The following PHACTR2 variants were observed in gnomAD, a reference collection of about 807,000 sequenced individuals.
The protein encoded by PHACTR2 is chromosome 6 open reading frame 56.
A neutral mutation model predicts 76.0 loss-of-function variants in PHACTR2; 30 were observed. The observed-to-expected ratio is 0.39, with a 90% confidence interval of 0.30 to 0.54. The LOEUF (loss-of-function observed/expected upper bound fraction) is 0.54, where lower values mean the gene tolerates loss of function less well. PHACTR2 is among the 20% of genes least tolerant of loss of function. PHACTR2 has a pLI of 0.61. For synonymous variants in PHACTR2, 292 were observed against 292.5 expected (o/e 1.00, Z 0.02); for missense variants, 696 against 781.1 (o/e 0.89, Z 1.30).
Position 143,670,067 on chromosome 6 carries a change from G to C in PHACTR2, c.14-41949G>C, listed in dbSNP as rs578224100. ...CTGGTAGTGATATTTCTCAGCATTT[G>C]CTTGTCTGTAAAGGATTTTATTTCT... On this transcript the variant is annotated intron_variant, in intron 1 of 11. Transcript: ENST00000305766. 7.8e-4 allele frequency among the ~76,000 whole-genome samples: 119 copies of C among 152,232 alleles called. 1 individual carries two copies. The highest frequency in any genetic ancestry group is 2.7e-3 in the African/African-American group (113 of 41,532).
Position 143,537,160 on chromosome 6 carries a change from C to G in PHACTR2, c.170C>G (p.Ser57Trp), listed in dbSNP as rs918398069. The stretch of plus-strand genomic sequence containing the variant: ...GGCCGCTCACAGAGCGACCTCTCGT[C>G]GTCCTCGAGCAGGGGCCGCCCGCTC... Residue 57 changes from serine to tryptophan, a missense_variant, in exon 1 of 12, where the codon TCG (serine) becomes TGG (tryptophan). Physicochemically the swap from Ser to Trp is radical, Grantham distance 177. Transcript: ENST00000367584. The surrounding 1 kb of genome is among the most constrained non-coding windows in gnomAD (Gnocchi z 4.4). The G allele has an allele frequency of 3.1e-6, 1 of 326,282 alleles. No individual in the cohort carries two copies. Among genetic ancestry groups the G allele is most frequent in the African/African-American group, 2.2e-5 (1 of 44,766 alleles). The allele number at this position is 326,282 out of a possible 1,614,324, so 20.2% of individuals were successfully genotyped here.
chr6:143,698,489 A>G lies in PHACTR2; in HGVS notation c.47-13527A>G, dbSNP rs1303853907. Among the ~76,000 whole-genome samples the G allele has an allele frequency of 6.6e-6, 1 of 152,160 alleles. No individual in the cohort carries two copies. Among genetic ancestry groups the G allele is most frequent in the Non-Finnish European group, 1.5e-5 (1 of 68,032 alleles). On this transcript the variant is annotated intron_variant, in intron 1 of 12. Coordinates refer to ENST00000440869, the MANE Select transcript of PHACTR2 (RefSeq NM_001100164.2). The surrounding 1 kb of genome is among the most constrained non-coding windows in gnomAD (Gnocchi z 4.3). ...TGGTTTCCTGTTTAATTTGCATAGG[A>G]TATTTCTACCTTTTAGGCAATGCTA... is the stretch of plus-strand genomic sequence containing the variant.
In PHACTR2 at chr6:143,738,755, C is replaced by CAAA. The variant is rs201169525; in HGVS notation, c.215-10222_215-10220dup. ...TGGGTGATAGAGCAGGACCTTGTCTCAAAAAAAAAAGAAAGAAAGAAAGAA... is the reference window on the plus strand; with the variant it reads ...TGGGTGATAGAGCAGGACCTTGTCTCAAAAAAAAAAAAAGAAAGAAAGAAAGAA... On this transcript the variant is annotated intron_variant, in intron 2 of 12. Transcript: ENST00000440869. The surrounding 1 kb of genome is among the most constrained non-coding windows in gnomAD (Gnocchi z 4.0). 8.6e-5 allele frequency among the ~76,000 whole-genome samples: 12 copies of CAAA among 139,764 alleles called. No individual in the cohort carries two copies. The South Asian group carries it at 2.7e-3, about 32-fold the overall frequency. The allele number at this position is 139,764 out of a possible 152,430, so 91.7% of individuals were successfully genotyped here. A position where few individuals can be genotyped will look rare whatever the true frequency, so the allele number is the denominator to read the frequency against.
intron 1 of PHACTR2, among the ~76,000 whole-genome samples, chr6:143,632,852 A>G (rs1158219644): frequency 6.6e-6 from 1 of 152,166 alleles, no homozygotes; most frequent in Non-Finnish European, 1.5e-5. Flanking sequence ...AGTTGGAATC[A>G]TATGGTATAT....
In PHACTR2 at chr6:143,734,691, G is replaced by A. The variant is rs528462730; in HGVS notation, c.215-14294G>A. ...TTGCTAAGGGGGATGTGGAGAAAAGGAGCACTGTTCCCACCCACATCTTAA... is the reference window on the plus strand; with the variant it reads ...TTGCTAAGGGGGATGTGGAGAAAAGAAGCACTGTTCCCACCCACATCTTAA... On this transcript the variant is annotated intron_variant, in intron 2 of 12. Coordinates refer to ENST00000440869, the MANE Select transcript of PHACTR2 (RefSeq NM_001100164.2). Among the ~76,000 whole-genome samples, 3 of 152,256 alleles carry A rather than the reference G, an allele frequency of 2.0e-5. No homozygotes were observed. The East Asian group carries it at 5.8e-4, about 29-fold the overall frequency.
chr6:143,612,605 A>T (rs1775995437), intron 1 of PHACTR2, among the ~76,000 whole-genome samples: 1 of 52,464 alleles, frequency 1.9e-5, no homozygotes, highest in African/African-American at 7.4e-5. Flanking sequence ...TATTAATGTT[A>T]TATATACACA....
At position 143,554,603 on chromosome 6, in the gene PHACTR2, G is replaced by A. The variant is rs1423518667; in HGVS notation, c.217+17396G>A. On this transcript the variant is annotated intron_variant, in intron 1 of 11. Transcript: ENST00000367584. This position sits in a 1 kb window ranked among gnomAD's most constrained non-coding sequence, Gnocchi z 5.9. ...GCCCTCACCTGAGGAAAGGTGAAGG[G>A]CTAAGGAACTCGATTGAGGGTGGGA... 2.0e-5 allele frequency: 3 copies of A among 152,132 alleles called. No homozygotes were observed. Among genetic ancestry groups the A allele is most frequent in the Non-Finnish European group, 4.4e-5 (3 of 68,014 alleles). The allele number at this position is 152,132 out of a possible 1,614,324, so 9.4% of individuals were successfully genotyped here.
chr6:143,775,430 T>C lies in PHACTR2; in HGVS notation c.1589+1215T>C, dbSNP rs1775249741. On this transcript the variant is annotated intron_variant, in intron 8 of 12. Coordinates refer to ENST00000440869, the MANE Select transcript of PHACTR2 (RefSeq NM_001100164.2). This position sits in a 1 kb window ranked among gnomAD's most constrained non-coding sequence, Gnocchi z 4.4. ...AAGCAAGAGGGACTAACGTGATTAA[T>C]GGTATCGAGCTGGAAAAACCTACAG... is the stretch of plus-strand genomic sequence containing the variant. Among the ~76,000 whole-genome samples, 1 of 152,144 alleles carries C rather than the reference T, an allele frequency of 6.6e-6. No homozygotes were observed. The highest frequency in any genetic ancestry group is 2.1e-4 in the South Asian group (1 of 4,828).
At chr6:143,620,855 G>T (rs571825281) in intron 1 of PHACTR2, among the ~76,000 whole-genome samples, 177 of 152,330 alleles carry the variant, frequency 1.2e-3, no homozygotes, top group Admixed American at 0.011. Flanking sequence ...CTCAAAGGCT[G>T]TCTCACTGGA....
chr6:143,718,466 G>C (rs939431915), intron 2 of PHACTR2, among the ~76,000 whole-genome samples: 1 of 152,218 alleles, frequency 6.6e-6, no homozygotes, highest in African/African-American at 2.4e-5. Context: ...CCATTCACTA[G>C]TTGCATCTCT....
At chr6:143,569,702 C>A (rs1046347354) in intron 1 of PHACTR2, among the ~76,000 whole-genome samples, 4 of 152,030 alleles carry the variant, frequency 2.6e-5, no homozygotes, top group African/African-American at 7.2e-5. Context: ...ATGTATAATT[C>A]TTTTCCACTT....
rs1776107426 is a variant in PHACTR2 at position 143,619,022 on chromosome 6, T to C, written c.13+10700T>C. 6.6e-6 allele frequency among the ~76,000 whole-genome samples: 1 copy of C among 152,190 alleles called. No homozygotes were observed. The highest frequency in any genetic ancestry group is 1.5e-5 in the Non-Finnish European group (1 of 68,034). On this transcript the variant is annotated intron_variant, in intron 1 of 11. Transcript: ENST00000305766. The surrounding 1 kb of genome is among the most constrained non-coding windows in gnomAD (Gnocchi z 4.5). The stretch of plus-strand genomic sequence containing the variant: ...AGCTGTGTCTTTTATTGTGTGCTAC[T>C]ACTTATATAGAAACTCTGAATTAAT...
At chr6:143,728,035 A>G (rs1175611044) in intron 2 of PHACTR2, among the ~76,000 whole-genome samples, 1 of 78,202 alleles carries the variant, frequency 1.3e-5, no homozygotes, top group African/African-American at 6.6e-5. Flanking sequence ...GGAAAAGAGA[A>G]AGACAAACTG....
At chr6:143,693,383 A>G (rs1046678301) in intron 1 of PHACTR2, among the ~76,000 whole-genome samples, 3 of 151,982 alleles carry the variant, frequency 2.0e-5, no homozygotes, top group African/African-American at 4.8e-5. Context: ...GACTACAGGC[A>G]CGCACCACCA....
rs563593579 is a variant in PHACTR2, at chr6:143,738,761, A to G, written c.215-10224A>G. On this transcript the variant is annotated intron_variant, in intron 2 of 12. Coordinates refer to ENST00000440869, the MANE Select transcript of PHACTR2 (RefSeq NM_001100164.2). The surrounding 1 kb of genome is among the most constrained non-coding windows in gnomAD (Gnocchi z 4.0). ...ATAGAGCAGGACCTTGTCTCAAAAAAAAAAGAAAGAAAGAAAGAAAGAAAA... is the reference window on the plus strand; with the variant it reads ...ATAGAGCAGGACCTTGTCTCAAAAAGAAAAGAAAGAAAGAAAGAAAGAAAA... Among the ~76,000 whole-genome samples, 1 of 152,252 alleles carries G rather than the reference A, an allele frequency of 6.6e-6. No individual in the cohort carries two copies. Among genetic ancestry groups the G allele is most frequent in the South Asian group, 2.1e-4 (1 of 4,818 alleles).
chr6:143,667,166 A>G (rs950673029), intron 1 of PHACTR2, among the ~76,000 whole-genome samples: 2 of 152,068 alleles, frequency 1.3e-5, no homozygotes, highest in Admixed American at 1.3e-4. Context: ...TTTGTAAGAT[A>G]TGTCAGAGAT....
chr6:143,812,274 T>A (rs1776193294), intron 12 of PHACTR2, among the ~76,000 whole-genome samples: 2 of 152,226 alleles, frequency 1.3e-5, no homozygotes, highest in South Asian at 4.1e-4. Flanking sequence ...CTCACCCTTT[T>A]GAACCTTTTG....
rs1776403610 is a variant in PHACTR2, at chr6:143,820,851, CCT to C, written c.1923-2822_1923-2821del. 6.6e-6 allele frequency among the ~76,000 whole-genome samples: 1 copy of C among 152,234 alleles called. No homozygotes were observed. Among genetic ancestry groups the C allele is most frequent in the African/African-American group, 2.4e-5 (1 of 41,470 alleles). ...GCTGTGCCCTTCCAGTAGGCTTCTG[CCT>C]GGACACCCAGGCTTTTCCATGTATC... On this transcript the variant is annotated intron_variant, in intron 12 of 12. Transcript: ENST00000440869. This position sits in a 1 kb window ranked among gnomAD's most constrained non-coding sequence, Gnocchi z 4.2.
chr6:143,590,753 T>C (rs1254202870), intron 1 of PHACTR2, among the ~76,000 whole-genome samples: 4 of 152,294 alleles, frequency 2.6e-5, no homozygotes, highest in Middle Eastern at 3.4e-3. Flanking sequence ...AAAAGCCTTA[T>C]GTCTTAATAG....
Sources: gnomAD v4.1 joint callset for allele counts (sites outside exome capture counted in the v4.1 genomes callset) on GRCh38, gnomAD v4.1.1 for gene constraint, Gnocchi (gnomAD v3.1) non-coding constraint, MANE v1.5 for transcripts, NCBI Gene and HGNC (gene_info 2026-07-23, HGNC 2026-07-21) for gene names.